The following IP6K2 variants were observed in gnomAD, a reference collection of about 807,000 sequenced individuals.
The protein encoded by IP6K2 is ATP:1D-myo-inositol-hexakisphosphate phosphotransferase.
In IP6K2, 9 loss-of-function variants were observed where a neutral mutation model predicts 43.3. The ratio of observed to expected loss-of-function variants is 0.21; its 90% confidence interval spans 0.13 to 0.36. IP6K2 has a LOEUF of 0.36. Ranked by LOEUF, IP6K2 falls within the 10% of genes least tolerant of loss-of-function variation. The pLI, the probability that IP6K2 is intolerant of heterozygous loss-of-function variation, is 1.00. For synonymous variants in IP6K2, 209 were observed against 202.4 expected (o/e 1.03, Z -0.28); for missense variants, 332 against 538.4 (o/e 0.62, Z 3.79).
chr3:48,688,916 A>G lies in IP6K2; in HGVS notation c.781-143T>C, dbSNP rs1041621932. On this transcript the variant is annotated intron_variant, in intron 5 of 5. Transcript: ENST00000328631. This position sits in a 1 kb window ranked among gnomAD's most constrained non-coding sequence, Gnocchi z 5.1. ...ACCAGTTGCACATGAGCCACTGTCC[A>G]CTATGCTCTCTGATCAGCCCCCACC... 1.2e-5 allele frequency: 11 copies of G among 906,368 alleles called. No homozygotes were observed. Among genetic ancestry groups the G allele is most frequent in the Middle Eastern group, 6.8e-4 (2 of 2,932 alleles). 56.1% of individuals were successfully genotyped at this position (906,368 alleles called of 1,614,324 possible).
At chr3:48,714,120 A>AAAAAC (rs567187645) in intron 1 of IP6K2, among the ~76,000 whole-genome samples, 1 of 152,232 alleles carries the variant, frequency 6.6e-6, no homozygotes, top group Non-Finnish European at 1.5e-5. Flanking sequence ...CCGTCTCATT[A>AAAAAC]AAAACAAAAC....
intron 1 of IP6K2, among the ~76,000 whole-genome samples, chr3:48,698,675 G>C (rs2078683784): frequency 6.6e-6 from 1 of 152,172 alleles, no homozygotes; most frequent in South Asian, 2.1e-4. Flanking sequence ...GTTTCGCCAT[G>C]TTGGCCAGGC....
At chr3:48,701,227 G>A (rs2078996251) in intron 1 of IP6K2, among the ~76,000 whole-genome samples, 1 of 151,820 alleles carries the variant, frequency 6.6e-6, no homozygotes, top group Admixed American at 6.6e-5. Context: ...AAAAATTACA[G>A]GCCACTGCGC....
rs189763630 is a variant in IP6K2, at chr3:48,703,487, G to A, written c.-130-8066C>T. On this transcript the variant is annotated intron_variant, in intron 1 of 5. Transcript: ENST00000328631. ...TGGGAGGCCCAGGCGGGTGGATCACGAGGTCAGGAGATCAAGACCAACCTG... is the reference window on the plus strand; with the variant it reads ...TGGGAGGCCCAGGCGGGTGGATCACAAGGTCAGGAGATCAAGACCAACCTG... Among the ~76,000 whole-genome samples, 670 of 146,864 alleles carry A rather than the reference G, an allele frequency of 4.6e-3. 7 individuals carry two copies. The highest frequency in any genetic ancestry group is 0.016 in the African/African-American group (617 of 39,698).
chr3:48,699,759 C>A (rs988019160), intron 1 of IP6K2: 1 of 152,162 alleles, frequency 6.6e-6, no homozygotes, highest in African/African-American at 2.4e-5. Context: ...GACTCCAAGT[C>A]CATGGCTCCC....
chr3:48,701,347 G>A (rs2106907066), intron 1 of IP6K2, among the ~76,000 whole-genome samples: 1 of 151,952 alleles, frequency 6.6e-6, no homozygotes, highest in Middle Eastern at 3.4e-3. Flanking sequence ...CGGGCGGATT[G>A]CCTGAGCTCA....
chr3:48,694,011 T>A, intron 2 of IP6K2: 24 of 1,381,806 alleles, frequency 1.7e-5, no homozygotes, highest in South Asian at 1.1e-4. Flanking sequence ...CTGAACACCT[T>A]TCCTCCCAGG....
At chr3:48,692,736 T>C (rs911697884) in intron 3 of IP6K2, among the ~76,000 whole-genome samples, 4 of 152,238 alleles carry the variant, frequency 2.6e-5, no homozygotes, top group Non-Finnish European at 5.9e-5. Flanking sequence ...GTGAATCTCT[T>C]ACAGCTGCCA....
chr3:48,701,326 G>A (rs2079004799), intron 1 of IP6K2, among the ~76,000 whole-genome samples: 1 of 152,152 alleles, frequency 6.6e-6, no homozygotes, highest in African/African-American at 2.4e-5. Context: ...TAGCACCCTG[G>A]GAGGCTGAGG....
At chr3:48,693,355 C>A in intron 2 of IP6K2, 176 bp from the exon 3 acceptor site, 1 of 1,118,952 alleles carries the variant, frequency 8.9e-7, no homozygotes, top group Non-Finnish European at 1.4e-6. Context: ...AAGATGACAC[C>A]ATACAAGACA....
intron 1 of IP6K2, among the ~76,000 whole-genome samples, chr3:48,710,674 A>ATCTCGGCTCACTGCAAGC (rs2080388881): frequency 2.0e-5 from 3 of 150,944 alleles, no homozygotes; most frequent in African/African-American, 7.3e-5. Context: ...CAGTGGCGGG[A>ATCTCGGCTCACTGCAAGC]TCTCGGCTCA....
In IP6K2 at chr3:48,691,444, G is replaced by C. The variant is rs2077770790; in HGVS notation, c.467C>G (p.Ser156Cys). ...LEEEFEWLKK[S>C]EVLYYTVEKK... The stretch of plus-strand genomic sequence containing the variant: ...CTCTACAGTGTAGTACAAGACTTCA[G>C]ATTTCTTTAGCCACTCAAATTCTTC... The change falls in exon 4 of 6, where the codon TCT becomes TGT. Residue 156 changes from serine to cysteine, a missense_variant. Ser to Cys is a moderately radical substitution (Grantham distance 112). Coordinates refer to ENST00000328631, the MANE Select transcript of IP6K2 (RefSeq NM_016291.4). 1.2e-6 allele frequency: 2 copies of C among 1,612,492 alleles called. No individual in the cohort carries two copies. The highest frequency in any genetic ancestry group is 1.7e-6 in the Non-Finnish European group (2 of 1,179,028).
intron 1 of IP6K2, among the ~76,000 whole-genome samples, chr3:48,704,709 G>C (rs188416697): frequency 1.2e-4 from 18 of 152,274 alleles, no homozygotes; most frequent in Non-Finnish European, 2.5e-4. Flanking sequence ...TTGAGTTCAA[G>C]TGATCCTCCT....
intron 1 of IP6K2, among the ~76,000 whole-genome samples, chr3:48,704,308 A>G (rs746836392): frequency 2.0e-5 from 3 of 152,196 alleles, no homozygotes; most frequent in Admixed American, 6.5e-5. Flanking sequence ...AAATCAGGAC[A>G]TCTATCATCC....
chr3:48,707,207 A>C (rs2079897080), intron 1 of IP6K2, among the ~76,000 whole-genome samples: 1 of 152,182 alleles, frequency 6.6e-6, no homozygotes, highest in Non-Finnish European at 1.5e-5. Context: ...TGAGAGAGAA[A>C]ATACTGGGGG....
At position 48,710,479 on chromosome 3, in the gene IP6K2, G is replaced by A. The variant is rs991562275; in HGVS notation, c.-131+6678C>T. Among the ~76,000 whole-genome samples the A allele has an allele frequency of 3.3e-5, 5 of 152,278 alleles. No homozygotes were observed. The East Asian group carries it at 5.8e-4, about 18-fold the overall frequency. On this transcript the variant is annotated intron_variant, in intron 1 of 5. Transcript: ENST00000328631. Reference sequence around the variant, plus strand: ...AGTTTTAACATCTTACTCTTCTCTCGCTCATTACAAGGAGCTTAAGTTATT... The same window carrying A: ...AGTTTTAACATCTTACTCTTCTCTCACTCATTACAAGGAGCTTAAGTTATT...
In IP6K2 at chr3:48,692,968, C is replaced by T. The variant is rs1373195931; in HGVS notation, c.414G>A (p.Glu138=). The T allele has an allele frequency of 6.2e-7, 1 of 1,612,352 alleles. No homozygotes were observed. The highest frequency in any genetic ancestry group is 1.7e-5 in the Admixed American group (1 of 59,662). The change falls in exon 3 of 6, where the codon GAG becomes GAA. Residue 138 remains glutamate (E), a synonymous_variant. Transcript: ENST00000328631. ...PKDWVRQHRK[E]EKMKSHKLEE... ...TCTACACTCACCTCTTCATTTTCTC[C>T]TCTTTACGGTGCTGACGCACCCAGT...
At position 48,688,266 on chromosome 3, in the gene IP6K2, A is replaced by G. The variant is rs2077502257; in HGVS notation, c.*7T>C. 1 of 1,611,404 alleles carries G rather than the reference A, an allele frequency of 6.2e-7. No individual in the cohort carries two copies. Among genetic ancestry groups the G allele is most frequent in the African/African-American group, 1.3e-5 (1 of 74,896 alleles). On this transcript the variant is annotated 3_prime_UTR_variant, in exon 6 of 6. Coordinates refer to ENST00000328631, the MANE Select transcript of IP6K2 (RefSeq NM_016291.4). This position sits in a 1 kb window ranked among gnomAD's most constrained non-coding sequence, Gnocchi z 5.1. ...GTCGCTCTCAAGTACTGGAGCAGCT[A>G]GCAAGCTCACTCCCCACTCTCCTCA...
chr3:48,704,920 G>A (rs1448794149), intron 1 of IP6K2, among the ~76,000 whole-genome samples: 1 of 150,714 alleles, frequency 6.6e-6, no homozygotes, highest in Non-Finnish European at 1.5e-5. Flanking sequence ...TTACAAGCAC[G>A]CGCCACTGTG....
Sources: gnomAD v4.1 joint callset for allele counts (sites outside exome capture counted in the v4.1 genomes callset) on GRCh38, gnomAD v4.1.1 for gene constraint, Gnocchi (gnomAD v3.1) non-coding constraint, MANE v1.5 for transcripts, NCBI Gene and HGNC (gene_info 2026-07-23, HGNC 2026-07-21) for gene names.